The following SLC28A1 variants were observed in gnomAD, a reference collection of about 807,000 sequenced individuals.
The protein encoded by SLC28A1 is solute carrier family 28 member 1.
A neutral mutation model predicts 74.8 loss-of-function variants in SLC28A1; 64 were observed. The observed-to-expected ratio is 0.86, with a 90% CI of 0.70 to 1.05. The LOEUF is 1.05. Among genes scored for constraint, SLC28A1 ranks in the 50% least tolerant of loss-of-function variants. The probability of loss-of-function intolerance (pLI) is 0.00; values close to 1 mark genes in which losing one functional copy is unlikely to be tolerated. For missense variants in SLC28A1, 828 were observed against 822.8 expected (o/e 1.01, Z -0.08); for synonymous variants, 359 against 335.0 (o/e 1.07, Z -0.78).
chr15:84,908,370 T>C (rs1268346443), intron 8 of SLC28A1, among the ~76,000 whole-genome samples: 1 of 151,802 alleles, frequency 6.6e-6, no homozygotes, highest in Admixed American at 6.6e-5. Context: ...TTTTAGCAGA[T>C]ATGGGGTTTC....
the SLC28A1 span, among the ~76,000 whole-genome samples, chr15:84,951,531 G>A: frequency 6.6e-6 from 1 of 151,874 alleles, no homozygotes; most frequent in Non-Finnish European, 1.5e-5. Context: ...AGGGGAATAA[G>A]TTTCTATCTC....
chr15:84,926,823 G>A (rs1016746958), intron 12 of SLC28A1, among the ~76,000 whole-genome samples: 8 of 151,258 alleles, frequency 5.3e-5, no homozygotes, highest in Non-Finnish European at 7.4e-5. Context: ...GGTGGTAGGC[G>A]GTGACCAGAA....
chr15:84,910,756 A>C (rs1157650757), intron 9 of SLC28A1, among the ~76,000 whole-genome samples: 1 of 151,926 alleles, frequency 6.6e-6, no homozygotes, highest in African/African-American at 2.4e-5. Context: ...CAAAACAAAA[A>C]CACACACACC....
chr15:84,897,090 C>A (rs1301451652), intron 6 of SLC28A1, among the ~76,000 whole-genome samples: 1 of 151,484 alleles, frequency 6.6e-6, no homozygotes, highest in South Asian at 2.1e-4. Flanking sequence ...AAACCATACA[C>A]TTTTGGCCAG....
chr15:84,893,271 A>C (rs867610250), intron 5 of SLC28A1, among the ~76,000 whole-genome samples: 32 of 151,960 alleles, frequency 2.1e-4, no homozygotes, highest in Admixed American at 1.8e-3. Flanking sequence ...AATGCATCTG[A>C]AGTGCCAAGC....
At chr15:84,970,601 T>A in the SLC28A1 span, among the ~76,000 whole-genome samples, 2 of 152,086 alleles carry the variant, frequency 1.3e-5, no homozygotes, top group Non-Finnish European at 2.9e-5. Context: ...CAGGACTTGG[T>A]GGCAGTCGGG....
At chr15:84,898,936 T>C (rs528038409) in intron 6 of SLC28A1, among the ~76,000 whole-genome samples, 73 of 152,124 alleles carry the variant, frequency 4.8e-4, no homozygotes, top group Middle Eastern at 3.4e-3. Flanking sequence ...AGAGACACAG[T>C]TGAGAGATCA....
intron 6 of SLC28A1, among the ~76,000 whole-genome samples, 192 bp from the exon 7 acceptor site, chr15:84,903,905 G>A (rs190569274): frequency 6.6e-6 from 1 of 152,314 alleles, no homozygotes; most frequent in East Asian, 1.9e-4. Flanking sequence ...AAGGTGATCT[G>A]CCTGAGGTCA....
intron 9 of SLC28A1, among the ~76,000 whole-genome samples, chr15:84,917,131 C>T (rs1463497874): frequency 1.3e-5 from 2 of 151,832 alleles, no homozygotes; most frequent in African/African-American, 2.4e-5. Context: ...GAAACAAATC[C>T]TTTGGCTATT....
At chr15:84,921,979 G>T (rs1297208406) in intron 11 of SLC28A1, among the ~76,000 whole-genome samples, 1 of 152,208 alleles carries the variant, frequency 6.6e-6, no homozygotes, top group Non-Finnish European at 1.5e-5. Flanking sequence ...GATGTGAAGC[G>T]CTGCCAAGGT....
intron 9 of SLC28A1, among the ~76,000 whole-genome samples, chr15:84,910,191 TTGCCCATCA>T (rs1352268060): frequency 2.0e-5 from 3 of 152,190 alleles, no homozygotes; most frequent in Non-Finnish European, 4.4e-5. Context: ...CTGGGCAAAT[TTGCCCATCA>T]TGTTTTCTGA....
At chr15:84,910,211 G>T (rs768788066) in intron 9 of SLC28A1, among the ~76,000 whole-genome samples, 7 of 152,172 alleles carry the variant, frequency 4.6e-5, no homozygotes, top group Non-Finnish European at 1.0e-4. Context: ...TGTTTTCTGA[G>T]ACCAGTTCTG....
At chr15:84,965,499 C>G in the SLC28A1 span, among the ~76,000 whole-genome samples, 1 of 152,166 alleles carries the variant, frequency 6.6e-6, no homozygotes, top group Non-Finnish European at 1.5e-5. Flanking sequence ...CCCTTCTTTT[C>G]TTATAAGTGT....
intron 12 of SLC28A1, among the ~76,000 whole-genome samples, chr15:84,930,614 CTTT>C (rs10609233): frequency 7.9e-4 from 82 of 103,478 alleles, no homozygotes; most frequent in African/African-American, 1.5e-3. Flanking sequence ...CTGCCCTCTG[CTTT>C]TTTTTTTTTT....
chr15:84,905,659 A>G lies in SLC28A1; in HGVS notation c.717+7A>G. ...GCTGGGCGAGCAGATCCGGGTAGGT[A>G]TGTGGGGTCTGGCTGCCCAGAGCAT... On this transcript the variant is annotated splice_region_variant and intron_variant, in intron 8 of 18. Transcript: ENST00000394573. 6.3e-7 allele frequency: 1 copy of G among 1,596,978 alleles called. No individual in the cohort carries two copies. Among genetic ancestry groups the G allele is most frequent in the Non-Finnish European group, 8.6e-7 (1 of 1,164,600 alleles).
At chr15:84,905,010 GA>G (rs1966886142) in intron 7 of SLC28A1, among the ~76,000 whole-genome samples, 1 of 152,192 alleles carries the variant, frequency 6.6e-6, no homozygotes, top group South Asian at 2.1e-4. Flanking sequence ...CACTGCTAAG[GA>G]ATTATTAAAT....
At chr15:84,894,865 G>A (rs1221549332) in intron 5 of SLC28A1, 75 bp from the exon 6 acceptor site, 2 of 1,436,500 alleles carry the variant, frequency 1.4e-6, no homozygotes, top group Non-Finnish European at 2.0e-6. Context: ...GTAAGGTGGA[G>A]TCCGCGGGCG....
chr15:84,889,004 C>T (rs544110504), intron 4 of SLC28A1, 144 bp downstream of exon 4: 7 of 652,436 alleles, frequency 1.1e-5, no homozygotes, highest in African/African-American at 3.6e-5. Flanking sequence ...TTAGCCAACA[C>T]GCACAGGCAC....
the SLC28A1 span, among the ~76,000 whole-genome samples, chr15:84,959,175 C>G: frequency 1.3e-5 from 2 of 151,708 alleles, no homozygotes; most frequent in East Asian, 3.9e-4. Context: ...ATGATCACAG[C>G]TCATTGCAGC....
Sources: gnomAD v4.1 joint callset for allele counts (sites outside exome capture counted in the v4.1 genomes callset) on GRCh38, gnomAD v4.1.1 for gene constraint, MANE v1.5 for transcripts, NCBI Gene and HGNC (gene_info 2026-07-23, HGNC 2026-07-21) for gene names.